The following FBXL13 variants were observed in gnomAD, a reference collection of about 807,000 sequenced individuals.
FBXL13 encodes the protein F-box and leucine-rich repeat protein 13.
In FBXL13, 67 loss-of-function variants were observed where a neutral mutation model predicts 83.6. The observed-to-expected ratio is 0.80, with a 90% confidence interval of 0.66 to 0.98. The LOEUF (loss-of-function observed/expected upper bound fraction) is 0.98. FBXL13 is among the 50% of genes least tolerant of loss of function. The probability of loss-of-function intolerance (pLI) is 0.00; values close to 1 mark genes in which losing one functional copy is unlikely to be tolerated. For synonymous variants in FBXL13, 272 were observed against 299.5 expected (o/e 0.91, Z 0.95); for missense variants, 822 against 866.5 (o/e 0.95, Z 0.64).
intron 1 of FBXL13, among the ~76,000 whole-genome samples, chr7:103,072,162 G>A (rs916743719): frequency 2.6e-5 from 4 of 151,030 alleles, no homozygotes; most frequent in African/African-American, 4.9e-5. Context: ...TAGACTGGGC[G>A]ACAGAGCTAG....
intron 16 of FBXL13, among the ~76,000 whole-genome samples, chr7:102,862,756 C>T (rs1807049611): frequency 6.6e-6 from 1 of 152,186 alleles, no homozygotes; most frequent in African/African-American, 2.4e-5. Flanking sequence ...TGCTGACCAT[C>T]CCCTGCTTTT....
At chr7:102,920,592 C>G (rs1816782796) in intron 10 of FBXL13, among the ~76,000 whole-genome samples, 1 of 151,970 alleles carries the variant, frequency 6.6e-6, no homozygotes, top group Non-Finnish European at 1.5e-5. Flanking sequence ...CTCAAGTAGT[C>G]CGCCCACTTC....
intron 11 of FBXL13, among the ~76,000 whole-genome samples, chr7:102,905,357 C>A (rs1164669891): frequency 6.6e-6 from 1 of 152,136 alleles, no homozygotes; most frequent in Non-Finnish European, 1.5e-5. Context: ...TTTATCATTA[C>A]ATAGTGACCT....
At chr7:102,934,559 GA>G (rs1554467003) in intron 8 of FBXL13, 1 of 1,175,116 alleles carries the variant, frequency 8.5e-7, no homozygotes, top group Non-Finnish European at 1.3e-6. Flanking sequence ...TAATGAAGAA[GA>G]AAAGGAACAA....
intron 6 of FBXL13, among the ~76,000 whole-genome samples, chr7:103,024,760 C>T (rs945263308): frequency 6.2e-5 from 9 of 144,638 alleles, no homozygotes; most frequent in African/African-American, 2.3e-4. Flanking sequence ...CAAAAATATC[C>T]TTATTCTAAC....
At chr7:102,960,567 T>C (rs1481791298) in intron 8 of FBXL13, among the ~76,000 whole-genome samples, 3 of 151,746 alleles carry the variant, frequency 2.0e-5, no homozygotes, top group Non-Finnish European at 4.4e-5. Flanking sequence ...TTGATGAACA[T>C]TGATGCAAAA....
intron 5 of FBXL13, 76 bp from the exon 7 acceptor site, chr7:103,025,306 G>T: frequency 3.5e-6 from 3 of 865,792 alleles, no homozygotes; most frequent in South Asian, 1.8e-5. Flanking sequence ...AAAGCACAGT[G>T]CTTGACACAA....
At chr7:103,032,957 T>C (rs946804027) in intron 2 of FBXL13, among the ~76,000 whole-genome samples, 26 of 152,080 alleles carry the variant, frequency 1.7e-4, no homozygotes, top group African/African-American at 5.3e-4. Flanking sequence ...GGAGCTCAGA[T>C]AGAGGCTGCA....
intron 8 of FBXL13, chr7:102,944,812 G>C (rs111664365): frequency 2.0e-6 from 1 of 497,812 alleles, no homozygotes. Flanking sequence ...TTGTGGAACA[G>C]CATCTGGTGA....
At chr7:102,901,385 T>C (rs1251874464) in intron 11 of FBXL13, among the ~76,000 whole-genome samples, 1 of 152,244 alleles carries the variant, frequency 6.6e-6, no homozygotes, top group African/African-American at 2.4e-5. Flanking sequence ...TCCATCCCCT[T>C]AAGCATTTAT....
chr7:102,986,248 C>T (rs1255136148), intron 6 of FBXL13, among the ~76,000 whole-genome samples: 1 of 152,108 alleles, frequency 6.6e-6, no homozygotes. Flanking sequence ...ACCTAGCCTT[C>T]AAGAGAGAAA....
intron 8 of FBXL13, chr7:102,942,347 G>GT (rs1288202752): frequency 6.4e-7 from 1 of 1,571,890 alleles, no homozygotes. Flanking sequence ...GCTGTGGTAA[G>GT]TATACAAATG....
chr7:103,014,886 T>G (rs1792081298), intron 6 of FBXL13, among the ~76,000 whole-genome samples: 1 of 126,934 alleles, frequency 7.9e-6, no homozygotes, highest in Non-Finnish European at 1.5e-5. Flanking sequence ...ATCACGCCAC[T>G]GCACTCCAGC....
intron 8 of FBXL13, among the ~76,000 whole-genome samples, chr7:102,959,283 A>G (rs1013031309): frequency 6.6e-6 from 1 of 152,106 alleles, no homozygotes; most frequent in Non-Finnish European, 1.5e-5. Flanking sequence ...AAAAATGTAC[A>G]GACACAGTTG....
intron 11 of FBXL13, among the ~76,000 whole-genome samples, chr7:102,897,998 TAGGG>T (rs1407021197): frequency 2.0e-5 from 3 of 152,122 alleles, no homozygotes; most frequent in Admixed American, 6.5e-5. Flanking sequence ...TGGGTAAAAA[TAGGG>T]AGTAAGTATG....
chr7:102,888,355 G>A (rs952893781), intron 11 of FBXL13, among the ~76,000 whole-genome samples: 4 of 152,242 alleles, frequency 2.6e-5, no homozygotes, highest in Non-Finnish European at 5.9e-5. Context: ...TGGCTAATAC[G>A]GTGAAACCCC....
chr7:103,061,167 C>T (rs1797862587), intron 1 of FBXL13, among the ~76,000 whole-genome samples: 1 of 151,658 alleles, frequency 6.6e-6, no homozygotes, highest in Non-Finnish European at 1.5e-5. Context: ...CAGGACCAGA[C>T]TTGAAGGGTT....
intron 2 of FBXL13, among the ~76,000 whole-genome samples, chr7:103,034,526 G>A (rs1000742119): frequency 3.3e-5 from 5 of 152,230 alleles, no homozygotes; most frequent in East Asian, 1.9e-4. Context: ...ACGCCCACCC[G>A]GAACTCCCGC....
At chr7:103,018,696 C>G (rs1166372783) in intron 6 of FBXL13, among the ~76,000 whole-genome samples, 1 of 152,154 alleles carries the variant, frequency 6.6e-6, no homozygotes, top group Non-Finnish European at 1.5e-5. Flanking sequence ...ATAAAACAGA[C>G]TTTAAACCAA....
Sources: gnomAD v4.1 joint callset for allele counts (sites outside exome capture counted in the v4.1 genomes callset) on GRCh38, gnomAD v4.1.1 for gene constraint, MANE v1.5 for transcripts, NCBI Gene and HGNC (gene_info 2026-07-23, HGNC 2026-07-21) for gene names.